Variants in GALNT17 observed in about 807,000 individuals in gnomAD.
GALNT17 encodes UDP-GalNAc:polypeptide N-acetylgalactosaminyltransferase-like 3.
GALNT17 carries 29 observed loss-of-function variants against 63.7 expected under a neutral mutation model. The observed-to-expected ratio is 0.46, with a 90% CI of 0.34 to 0.62. The LOEUF (loss-of-function observed/expected upper bound fraction) is 0.62. Among genes scored for constraint, GALNT17 ranks in the 20% least tolerant of loss-of-function variants. The pLI is 0.01. For missense variants in GALNT17, 603 were observed against 799.6 expected, an observed-to-expected ratio of 0.75 and a Z score of 2.97; for synonymous variants, 305 against 318.3, an observed-to-expected ratio of 0.96 and a Z score of 0.45.
Position 71,183,890 on chromosome 7 carries a change from C to CA in GALNT17, c.238+50862dup, listed in dbSNP as rs879350868. Among the ~76,000 whole-genome samples, 1,274 of 143,470 alleles carry CA rather than the reference C, an allele frequency of 8.9e-3. 16 individuals are homozygous for CA. The highest frequency in any genetic ancestry group is 0.028 in the African/African-American group (1,090 of 39,460). 94.1% of individuals were successfully genotyped at this position (143,470 alleles called of 152,430 possible). On this transcript the variant is annotated intron_variant, in intron 1 of 10. Transcript: ENST00000333538. ...GGGCAACAAGAGCAAGACTCCATCT[C>CA]AAAAAAAAAAAATCAACACACAAAG...
chr7:71,358,289 G>A (rs1792329360), intron 2 of GALNT17, among the ~76,000 whole-genome samples: 1 of 152,206 alleles, frequency 6.6e-6, no homozygotes, highest in Admixed American at 6.5e-5. Flanking sequence ...CCAGCTACTC[G>A]GGAGGCTGAA....
At chr7:71,168,440 C>T (rs930231377) in intron 1 of GALNT17, among the ~76,000 whole-genome samples, 9 of 151,960 alleles carry the variant, frequency 5.9e-5, no homozygotes, top group African/African-American at 2.2e-4. Context: ...GGTGTGGTGG[C>T]GGGCGGCTGT....
chr7:71,180,201 G>T (rs1453474549), intron 1 of GALNT17, among the ~76,000 whole-genome samples: 1 of 151,974 alleles, frequency 6.6e-6, no homozygotes, highest in Non-Finnish European at 1.5e-5. Flanking sequence ...TCTCAGCTCA[G>T]TGCAACCTCT....
chr7:71,279,220 T>C (rs1187023395), intron 1 of GALNT17, among the ~76,000 whole-genome samples: 2 of 152,002 alleles, frequency 1.3e-5, no homozygotes, highest in Non-Finnish European at 2.9e-5. Flanking sequence ...CCTCTCCTTA[T>C]AAGGACACCA....
chr7:71,687,467 C>T (rs1228713917), intron 9 of GALNT17, among the ~76,000 whole-genome samples: 1 of 152,186 alleles, frequency 6.6e-6, no homozygotes, highest in African/African-American at 2.4e-5. Context: ...CTTCCAGATG[C>T]TATCATGTAA....
At chr7:71,394,999 G>C (rs1215694254) in intron 3 of GALNT17, among the ~76,000 whole-genome samples, 1 of 152,078 alleles carries the variant, frequency 6.6e-6, no homozygotes, top group Non-Finnish European at 1.5e-5. Flanking sequence ...CTACTCGGGA[G>C]ATGGGGGCAG....
At chr7:71,319,452 A>G (rs1791565001) in intron 1 of GALNT17, among the ~76,000 whole-genome samples, 1 of 152,098 alleles carries the variant, frequency 6.6e-6, no homozygotes, top group African/African-American at 2.4e-5. Flanking sequence ...TCCAGGGCTC[A>G]GTATTCAAAC....
At chr7:71,687,302 A>G (rs1293653789) in intron 9 of GALNT17, among the ~76,000 whole-genome samples, 2 of 152,354 alleles carry the variant, frequency 1.3e-5, no homozygotes, top group African/African-American at 2.4e-5. Context: ...TAAGCGATAC[A>G]TCATCCAAAC....
intron 5 of GALNT17, among the ~76,000 whole-genome samples, chr7:71,546,300 A>G (rs1788984241): frequency 6.6e-6 from 1 of 151,880 alleles, no homozygotes; most frequent in Non-Finnish European, 1.5e-5. Context: ...AGCTGGGACT[A>G]CAGGTGTGCA....
intron 5 of GALNT17, among the ~76,000 whole-genome samples, chr7:71,493,881 C>A (rs772482153): frequency 6.6e-6 from 1 of 152,154 alleles, no homozygotes; most frequent in Non-Finnish European, 1.5e-5. Context: ...CTTTCTCTCT[C>A]TAATAAACAT....
At chr7:71,602,004 A>G (rs1265330051) in intron 6 of GALNT17, among the ~76,000 whole-genome samples, 2 of 152,142 alleles carry the variant, frequency 1.3e-5, no homozygotes. Flanking sequence ...GCAGCTGCAG[A>G]TGGAGTCTTT....
At chr7:71,287,808 T>C (rs1327614488) in intron 1 of GALNT17, among the ~76,000 whole-genome samples, 1 of 152,126 alleles carries the variant, frequency 6.6e-6, no homozygotes, top group East Asian at 1.9e-4. Flanking sequence ...TCCCAGCACT[T>C]TGGGAGGCTG....
chr7:71,619,603 T>C (rs1790263388), intron 6 of GALNT17, among the ~76,000 whole-genome samples: 2 of 152,218 alleles, frequency 1.3e-5, no homozygotes, highest in Admixed American at 1.3e-4. Context: ...TGGAGATTGT[T>C]GGTGTACAGA....
intron 1 of GALNT17, among the ~76,000 whole-genome samples, chr7:71,222,010 C>T (rs1051423269): frequency 2.0e-5 from 3 of 147,106 alleles, no homozygotes; most frequent in East Asian, 4.1e-4. Context: ...TGGGTTCAAG[C>T]GACTCTGCTG....
intron 8 of GALNT17, among the ~76,000 whole-genome samples, chr7:71,671,349 C>G (rs1043582517): frequency 2.6e-5 from 4 of 152,172 alleles, no homozygotes; most frequent in Non-Finnish European, 5.9e-5. Context: ...CTGTGACTAC[C>G]AGGTTAAAGC....
chr7:71,428,952 G>A (rs1786811030), intron 5 of GALNT17, among the ~76,000 whole-genome samples: 1 of 152,176 alleles, frequency 6.6e-6, no homozygotes, highest in African/African-American at 2.4e-5. Context: ...CACTAGGCTT[G>A]GGGTTAGATG....
At chr7:71,298,914 C>A (rs1028840303) in intron 1 of GALNT17, among the ~76,000 whole-genome samples, 4 of 152,088 alleles carry the variant, frequency 2.6e-5, no homozygotes, top group Non-Finnish European at 5.9e-5. Flanking sequence ...GAAAGTAGCA[C>A]TGGTGGTGTG....
At chr7:71,633,644 G>T (rs1790488817) in intron 6 of GALNT17, among the ~76,000 whole-genome samples, 1 of 152,128 alleles carries the variant, frequency 6.6e-6, no homozygotes, top group South Asian at 2.1e-4. Flanking sequence ...GCCCCGAGAG[G>T]ATCCTCGCAG....
intron 1 of GALNT17, among the ~76,000 whole-genome samples, chr7:71,274,980 GC>G (rs1179747096): frequency 6.6e-6 from 1 of 152,222 alleles, no homozygotes; most frequent in Non-Finnish European, 1.5e-5. Flanking sequence ...CACAGTCCCT[GC>G]CTCTGGCCCT....
Sources: allele counts gnomAD v4.1 joint callset (sites outside exome capture counted in the v4.1 genomes callset), GRCh38; gene constraint gnomAD v4.1.1; transcripts MANE v1.5; gene names NCBI Gene and HGNC (gene_info 2026-07-23, HGNC 2026-07-21).